The following PTPRN2 variants were observed in gnomAD, a reference collection of about 807,000 sequenced individuals.
The protein encoded by PTPRN2 is receptor-type tyrosine-protein phosphatase N2.
A neutral mutation model predicts 118.8 loss-of-function variants in PTPRN2; 74 were observed. That is an observed-to-expected ratio of 0.62 (90% CI 0.52 to 0.76). The LOEUF (loss-of-function observed/expected upper bound fraction) is 0.76, where lower values mean the gene tolerates loss of function less well. Among genes scored for constraint, PTPRN2 ranks in the 30% least tolerant of loss-of-function variants. The pLI is 0.00. For synonymous variants in PTPRN2, 641 were observed against 608.0 expected (o/e 1.05, Z -0.80); for missense variants, 1,481 against 1,394.4 (o/e 1.06, Z -0.99).
chr7:157,725,665 G>C (rs1378451659), intron 12 of PTPRN2, among the ~76,000 whole-genome samples: 1 of 127,890 alleles, frequency 7.8e-6, no homozygotes, highest in South Asian at 2.7e-4. Context: ...TCTACACACA[G>C]AGGAGTGAGC....
chr7:158,192,563 G>T (rs1825864248), intron 4 of PTPRN2, 68 bp from the exon 5 acceptor site: 85 of 1,495,646 alleles, frequency 5.7e-5, no homozygotes, highest in Non-Finnish European at 7.3e-5. Flanking sequence ...TCTGTCCCCT[G>T]TGGTGCCTGG....
intron 12 of PTPRN2, among the ~76,000 whole-genome samples, chr7:157,768,049 G>A (rs6946456): frequency 0.04 from 6,078 of 152,204 alleles, 298 homozygotes; most frequent in African/African-American, 0.099. Flanking sequence ...GCAGTGTGGC[G>A]ACTAATATTG....
chr7:158,337,320 C>A (rs1273745765), intron 2 of PTPRN2, among the ~76,000 whole-genome samples: 2 of 150,608 alleles, frequency 1.3e-5, no homozygotes, highest in African/African-American at 2.4e-5. Context: ...ACATCATTCA[C>A]ACCCACACTG....
chr7:158,193,384 A>G (rs531971624), intron 4 of PTPRN2, among the ~76,000 whole-genome samples: 1 of 152,288 alleles, frequency 6.6e-6, no homozygotes, highest in South Asian at 2.1e-4. Flanking sequence ...GGCCCCCATC[A>G]CCAGCTTGTG....
At chr7:158,355,026 GAAAAA>G (rs56276927) in intron 2 of PTPRN2, among the ~76,000 whole-genome samples, 1 of 149,652 alleles carries the variant, frequency 6.7e-6, no homozygotes, top group African/African-American at 2.4e-5. Flanking sequence ...GTCTTGAAAG[GAAAAA>G]AAAAAAAAAT....
intron 15 of PTPRN2, among the ~76,000 whole-genome samples, chr7:157,604,774 C>T (rs562119777): frequency 6.6e-5 from 10 of 152,318 alleles, no homozygotes; most frequent in South Asian, 6.2e-4. Context: ...CTGCTGAAGC[C>T]GGGCGCAGCG....
intron 11 of PTPRN2, among the ~76,000 whole-genome samples, chr7:158,024,442 A>AT (rs1807121950): frequency 6.6e-6 from 1 of 152,204 alleles, no homozygotes; most frequent in African/African-American, 2.4e-5. Flanking sequence ...ACACATTTAG[A>AT]TTTTTAAGAG....
rs370234659 is a variant in PTPRN2, at chr7:158,316,783, C to T, written c.277+36G>A. The T allele has an allele frequency of 8.0e-4, 1,195 of 1,502,912 alleles. 6 individuals carry two copies. The highest frequency in any genetic ancestry group is 6.7e-3 in the Middle Eastern group (35 of 5,262). 93.1% of individuals were successfully genotyped at this position (1,502,912 alleles called of 1,614,324 possible). A position where few individuals can be genotyped will look rare whatever the true frequency, so the allele number is the denominator to read the frequency against. ...GCCAAGCCCGTGCGGTCGCTCAGTG[C>T]GGCAGCCGCCGAGCCTCGGCCCACG... On this transcript the variant is annotated intron_variant, in intron 3 of 22. Coordinates refer to ENST00000389418, the MANE Select transcript of PTPRN2 (RefSeq NM_002847.5).
At chr7:157,976,994 G>A (rs578241928) in intron 11 of PTPRN2, among the ~76,000 whole-genome samples, 20 of 151,914 alleles carry the variant, frequency 1.3e-4, no homozygotes, top group East Asian at 5.8e-4. Flanking sequence ...TATAGATTTC[G>A]TCAAATTTCA....
chr7:157,549,097 C>T (rs143418696), intron 21 of PTPRN2, 78 bp from the exon 22 acceptor site: 21 of 1,406,350 alleles, frequency 1.5e-5, no homozygotes, highest in African/African-American at 7.1e-5. Flanking sequence ...CTGCTAGCCA[C>T]GTTCCCTCTG....
chr7:157,898,612 T>C (rs750258292), intron 12 of PTPRN2, 61 bp downstream of exon 12: 10 of 1,482,156 alleles, frequency 6.7e-6, no homozygotes, highest in Non-Finnish European at 9.4e-6. Flanking sequence ...CTCACGGTGT[T>C]CGCCAGCACC....
chr7:158,107,129 C>T (rs1476279652), intron 10 of PTPRN2, among the ~76,000 whole-genome samples: 4 of 152,124 alleles, frequency 2.6e-5, no homozygotes, highest in Non-Finnish European at 4.4e-5. Flanking sequence ...CCCCACATCG[C>T]TGCTGCCCCC....
At position 157,961,556 on chromosome 7, in the gene PTPRN2, G is replaced by T. The variant is rs560312245; in HGVS notation, c.1724-62819C>A. On this transcript the variant is annotated intron_variant, in intron 11 of 22. Transcript: ENST00000389418. The stretch of plus-strand genomic sequence containing the variant: ...TCAAAAAAAAAAAAAATTATAAAAA[G>T]TCGATTAAAACAACAACAATTTTAA... Among the ~76,000 whole-genome samples, 219 of 151,866 alleles carry T rather than the reference G, an allele frequency of 1.4e-3. 9 individuals are homozygous for T. In the South Asian group the frequency reaches 0.044, roughly 31 times the overall value.
chr7:158,156,307 G>A (rs890640091), intron 6 of PTPRN2, among the ~76,000 whole-genome samples: 18 of 152,296 alleles, frequency 1.2e-4, no homozygotes, highest in South Asian at 4.1e-4. Flanking sequence ...GTGGGGTGTG[G>A]GGATTGGCAG....
intron 2 of PTPRN2, among the ~76,000 whole-genome samples, chr7:158,401,637 C>T (rs4909209): frequency 0.45 from 68,815 of 152,232 alleles, 16,522 homozygotes; most frequent in East Asian, 0.75. Flanking sequence ...AAGGGAAATG[C>T]TAGTTTAATA....
intron 12 of PTPRN2, among the ~76,000 whole-genome samples, chr7:157,717,498 T>C (rs1171126542): frequency 1.3e-5 from 2 of 152,250 alleles, no homozygotes; most frequent in African/African-American, 4.8e-5. Flanking sequence ...GAGCCTGCAA[T>C]TGACCGCGGA....
At chr7:158,533,909 C>G (rs1420100668) in intron 1 of PTPRN2, among the ~76,000 whole-genome samples, 1 of 152,254 alleles carries the variant, frequency 6.6e-6, no homozygotes, top group African/African-American at 2.4e-5. Flanking sequence ...CACAGCTGCT[C>G]TCTCCCCAGC....
At chr7:157,719,232 C>T (rs941125456) in intron 12 of PTPRN2, among the ~76,000 whole-genome samples, 1 of 152,210 alleles carries the variant, frequency 6.6e-6, no homozygotes, top group Admixed American at 6.5e-5. Context: ...GAAGCCCCAC[C>T]TGAGCTTCCA....
intron 11 of PTPRN2, among the ~76,000 whole-genome samples, chr7:157,999,242 G>A (rs990449602): frequency 6.6e-6 from 1 of 152,068 alleles, no homozygotes; most frequent in African/African-American, 2.4e-5. Flanking sequence ...CTTCTCCCTC[G>A]CTCAAGCCAT....
Sources: allele counts gnomAD v4.1 joint callset (sites outside exome capture counted in the v4.1 genomes callset), GRCh38; gene constraint gnomAD v4.1.1; transcripts MANE v1.5; gene names NCBI Gene and HGNC (gene_info 2026-07-23, HGNC 2026-07-21).